ARVCF: variants seen among roughly 807,000 people sequenced by gnomAD.
ARVCF encodes the protein ARVCF delta catenin family member, also known as splicing regulator ARVCF.
Under a neutral mutation model 90.9 loss-of-function variants are expected in ARVCF, and 66 were observed. That is an observed-to-expected ratio of 0.73 (90% CI 0.60 to 0.89). The LOEUF is 0.89. ARVCF is among the 40% of genes least tolerant of loss of function. The probability of loss-of-function intolerance (pLI) is 0.00; values close to 1 mark genes in which losing one functional copy is unlikely to be tolerated. For missense variants in ARVCF, 1,469 were observed against 1,382.3 expected, an observed-to-expected ratio of 1.06 and a Z score of -1.00; for synonymous variants, 653 against 603.4, an observed-to-expected ratio of 1.08 and a Z score of -1.21.
downstream of ARVCF, chr22:19,966,963 C>T (rs887757433): frequency 4.5e-5 from 44 of 985,306 alleles, no homozygotes; most frequent in Non-Finnish European, 5.2e-5. Context: ...CCTGCTCAGA[C>T]GCTGATGCAT....
In ARVCF at chr22:19,970,259, C is replaced by T. The variant is rs1187598717; in HGVS notation, c.*497G>A. 2.1e-5 allele frequency: 21 copies of T among 992,550 alleles called. No homozygotes were observed. Among genetic ancestry groups the T allele is most frequent in the Non-Finnish European group, 2.4e-5 (20 of 833,822 alleles). 61.5% of individuals were successfully genotyped at this position (992,550 alleles called of 1,614,324 possible). Reference sequence around the variant, plus strand: ...GGGCTGGGCCTTGTGGGGCACCCCCCACACCGTGGTCTGCCTGCCTGCAGG... The same window carrying T: ...GGGCTGGGCCTTGTGGGGCACCCCCTACACCGTGGTCTGCCTGCCTGCAGG... On this transcript the variant is annotated 3_prime_UTR_variant, in exon 20 of 20. Coordinates refer to ENST00000263207, the MANE Select transcript of ARVCF (RefSeq NM_001670.3).
intron 2 of ARVCF, among the ~76,000 whole-genome samples, chr22:19,995,002 T>C (rs1601647392): frequency 6.7e-6 from 1 of 149,420 alleles, no homozygotes; most frequent in Non-Finnish European, 1.5e-5. Context: ...GATAGGGAGG[T>C]GGATGAAGTC....
In ARVCF at chr22:19,970,136, T is replaced by C. The variant is rs372521762; in HGVS notation, c.*620A>G. On this transcript the variant is annotated 3_prime_UTR_variant, in exon 20 of 20. Transcript: ENST00000263207. ...GCCAGCATGGGCTGGAGAAAGGCTC[T>C]CTACTGCACAGGGGCCTCACGTGAC... 19 of 985,604 alleles carry C rather than the reference T, an allele frequency of 1.9e-5. No homozygotes were observed. The South Asian group carries it at 7.5e-4, about 39-fold the overall frequency. The allele number at this position is 985,604 out of a possible 1,614,324, so 61.1% of individuals were successfully genotyped here. A position where few individuals can be genotyped will look rare whatever the true frequency, so the allele number is the denominator to read the frequency against.
intron 6 of ARVCF, 70 bp downstream of exon 6, chr22:19,979,665 AGTGGCCTC>A: frequency 6.8e-7 from 1 of 1,479,194 alleles, no homozygotes; most frequent in Middle Eastern, 1.8e-4. Context: ...TCGCAGGCCG[AGTGGCCTC>A]GTTCCTCCCG....
chr22:20,012,513 CCCT>C (rs1012755212), intron 1 of ARVCF, among the ~76,000 whole-genome samples: 4 of 152,238 alleles, frequency 2.6e-5, no homozygotes, highest in Non-Finnish European at 5.9e-5. Flanking sequence ...TGGGGAGCCC[CCCT>C]GAGTGCTCTG....
chr22:19,978,208 C>A (rs1221227616), intron 7 of ARVCF, 133 bp from the exon 8 acceptor site: 2 of 746,026 alleles, frequency 2.7e-6, no homozygotes, highest in African/African-American at 3.6e-5. Context: ...GGGAAAGGAC[C>A]CCACAGTCTG....
At chr22:20,009,583 A>T (rs913146806) in intron 2 of ARVCF, among the ~76,000 whole-genome samples, 1 of 152,202 alleles carries the variant, frequency 6.6e-6, no homozygotes, top group Non-Finnish European at 1.5e-5. Context: ...CTGGAGGAAC[A>T]AGAATGGCCA....
chr22:19,973,288 T>A lies in ARVCF; in HGVS notation c.2269A>T (p.Asn757Tyr). 6.2e-7 allele frequency: 1 copy of A among 1,605,934 alleles called. No homozygotes were observed. Among genetic ancestry groups the A allele is most frequent in the Non-Finnish European group, 8.5e-7 (1 of 1,178,642 alleles). ...GSYAMAELVR[N>Y]VRNAQAPPRP... ...GGCGGAGCCTGTGCATTGCGCACAT[T>A]CCGCACAAGCTCAGCCATGGCGTAG... Residue 757 changes from asparagine (N) to tyrosine (Y), a missense_variant, in exon 14 of 20, where the codon AAT becomes TAT. Physicochemically the swap from Asn to Tyr is moderately radical, Grantham distance 143. Transcript: ENST00000263207.
In ARVCF at chr22:19,973,199, G is replaced by A. The variant is rs116570619; in HGVS notation, c.2358C>T (p.Ile786=). The change falls in exon 14 of 20, where the codon ATC becomes ATT. Residue 786 remains isoleucine (I), a synonymous_variant. Transcript: ENST00000263207. ...GCGCGTTATCCAGGCTGTCGGACAC[G>A]ATTTCGTGGATGGTGTTGAGCACCG... ...VVAVLNTIHE[I]VSDSLDNARS... is the part of the protein sequence containing the mutation. 1,084 of 1,610,958 alleles carry A rather than the reference G, an allele frequency of 6.7e-4. 19 individuals are homozygous for A. In the East Asian group the frequency reaches 0.02, roughly 30 times the overall value.
intron 2 of ARVCF, among the ~76,000 whole-genome samples, 196 bp from the exon 3 acceptor site, chr22:19,991,008 C>T (rs1215058666): frequency 6.6e-6 from 1 of 152,284 alleles, no homozygotes; most frequent in Non-Finnish European, 1.5e-5. Flanking sequence ...AGCCGGCTCA[C>T]TCCCCATGGG....
chr22:20,016,283 G>A (rs1025461835), intron 1 of ARVCF, among the ~76,000 whole-genome samples: 6 of 152,086 alleles, frequency 3.9e-5, no homozygotes, highest in African/African-American at 1.4e-4. Flanking sequence ...GCCGCGCTCG[G>A]CTGGAGTGCT....
downstream of ARVCF, among the ~76,000 whole-genome samples, chr22:19,968,180 G>C (rs1942528808): frequency 1.3e-5 from 2 of 152,190 alleles, no homozygotes; most frequent in Admixed American, 6.5e-5. Context: ...TCATAGGCCT[G>C]AGTTCCTGGC....
chr22:20,006,198 A>G (rs933029292), intron 2 of ARVCF, among the ~76,000 whole-genome samples: 3 of 152,256 alleles, frequency 2.0e-5, no homozygotes, highest in African/African-American at 7.2e-5. Flanking sequence ...TGAACAAACA[A>G]CACTACTGAA....
At position 19,979,945 on chromosome 22, in the gene ARVCF, C is replaced by A; in HGVS notation, c.1194G>T (p.Gln398His). ...ENEGVKRRVRQLRGLPLLVAL... is the reference protein window; with the variant it reads ...ENEGVKRRVRHLRGLPLLVAL... Reference sequence around the variant, plus strand: ...CCACAAGCAGCGGCAGCCCCCGCAACTGCCGTACACGCCGCTTGACACCCT... The same window carrying A: ...CCACAAGCAGCGGCAGCCCCCGCAAATGCCGTACACGCCGCTTGACACCCT... The change falls in exon 6 of 20, where the codon CAG becomes CAT. Residue 398 changes from glutamine to histidine, a missense_variant. Physicochemically the swap from Gln to His is conservative, Grantham distance 24. Coordinates refer to ENST00000263207, the MANE Select transcript of ARVCF (RefSeq NM_001670.3). The A allele has an allele frequency of 1.3e-6, 2 of 1,595,754 alleles. No homozygotes were observed. Among genetic ancestry groups the A allele is most frequent in the East Asian group, 2.3e-5 (1 of 43,990 alleles).
At chr22:19,985,002 G>A (rs1310219822) in intron 3 of ARVCF, among the ~76,000 whole-genome samples, 2 of 152,168 alleles carry the variant, frequency 1.3e-5, no homozygotes, top group Non-Finnish European at 2.9e-5. Context: ...TGCAGTCCCT[G>A]GATCCCTGTC....
At chr22:20,007,113 G>A (rs1944658109) in intron 2 of ARVCF, among the ~76,000 whole-genome samples, 1 of 150,364 alleles carries the variant, frequency 6.7e-6, no homozygotes, top group African/African-American at 2.5e-5. Context: ...AATTAGCCAG[G>A]CATGGCCGGG....
At chr22:20,013,324 G>A (rs1222506295) in intron 1 of ARVCF, among the ~76,000 whole-genome samples, 2 of 152,196 alleles carry the variant, frequency 1.3e-5, no homozygotes, top group African/African-American at 4.8e-5. Flanking sequence ...GCACTTTTGG[G>A]GCTACGCAGG....
intron 1 of ARVCF, among the ~76,000 whole-genome samples, chr22:20,016,040 G>A (rs1287683791): frequency 6.6e-6 from 1 of 152,230 alleles, no homozygotes. Flanking sequence ...TGGGGAGGGG[G>A]ACCCAGGCCG....
chr22:19,967,035 G>C, downstream of ARVCF: 1 of 1,205,016 alleles, frequency 8.3e-7, no homozygotes, highest in African/African-American at 1.6e-5. Flanking sequence ...TCGGGCGACA[G>C]GCAGGACAGG....
Sources: gnomAD v4.1 joint callset for allele counts (sites outside exome capture counted in the v4.1 genomes callset) on GRCh38, gnomAD v4.1.1 for gene constraint, MANE v1.5 for transcripts, NCBI Gene and HGNC (gene_info 2026-07-23, HGNC 2026-07-21) for gene names.